Variants in CRPPA observed in about 807,000 individuals in gnomAD.
The protein encoded by CRPPA is D-ribitol-5-phosphate cytidylyltransferase.
Under a neutral mutation model 52.0 loss-of-function variants are expected in CRPPA, and 43 were observed. That is an observed-to-expected ratio of 0.83 (90% CI 0.65 to 1.07). CRPPA has a LOEUF of 1.07. CRPPA is among the 50% of genes least tolerant of loss of function. The pLI, the probability that CRPPA is intolerant of heterozygous loss-of-function variation, is 0.00. For synonymous variants in CRPPA, 250 were observed against 203.5 expected (o/e 1.23, Z -1.94); for missense variants, 629 against 551.7 (o/e 1.14, Z -1.40).
chr7:16,367,231 C>T (rs1399091434), intron 3 of CRPPA, among the ~76,000 whole-genome samples: 2 of 152,082 alleles, frequency 1.3e-5, no homozygotes, highest in Non-Finnish European at 2.9e-5. Context: ...CTCCCTGTGC[C>T]CACTGTGCCC....
At chr7:16,324,462 T>A (rs1046682658) in intron 3 of CRPPA, among the ~76,000 whole-genome samples, 5 of 152,220 alleles carry the variant, frequency 3.3e-5, no homozygotes, top group African/African-American at 4.8e-5. Context: ...GATTCTAACA[T>A]GGGCCAGCAG....
chr7:16,273,491 GAA>G (rs1198814444), intron 6 of CRPPA, among the ~76,000 whole-genome samples: 3 of 151,964 alleles, frequency 2.0e-5, no homozygotes, highest in African/African-American at 7.3e-5. Flanking sequence ...GGACCACAGA[GAA>G]GAGGTCAGCA....
intron 9 of CRPPA, among the ~76,000 whole-genome samples, chr7:16,104,768 C>T (rs1282595347): frequency 1.7e-4 from 26 of 151,264 alleles, no homozygotes; most frequent in Admixed American, 7.2e-4. Context: ...GGCATGGTGG[C>T]GTGCGCCTGT....
intron 9 of CRPPA, among the ~76,000 whole-genome samples, chr7:16,111,452 A>C (rs1782262761): frequency 6.6e-6 from 1 of 152,226 alleles, no homozygotes; most frequent in South Asian, 2.1e-4. Flanking sequence ...TCAGTTTTTC[A>C]AAGAGATGTC....
intron 2 of CRPPA, among the ~76,000 whole-genome samples, chr7:16,390,935 C>T (rs916015490): frequency 3.3e-5 from 5 of 152,142 alleles, no homozygotes; most frequent in Non-Finnish European, 7.3e-5. Flanking sequence ...GGAGCCTAGT[C>T]GAAGTCAATG....
chr7:16,361,567 G>C (rs1025469854), intron 3 of CRPPA, among the ~76,000 whole-genome samples: 2 of 152,146 alleles, frequency 1.3e-5, no homozygotes, highest in Non-Finnish European at 2.9e-5. Context: ...TTCCAACACA[G>C]ATGAACCTTA....
intron 9 of CRPPA, among the ~76,000 whole-genome samples, chr7:16,183,265 A>G (rs1317488581): frequency 6.6e-6 from 1 of 152,194 alleles, no homozygotes; most frequent in African/African-American, 2.4e-5. Flanking sequence ...TGTTCCTAAC[A>G]TGGGAAAGTG....
chr7:16,098,900 T>C (rs912913373), intron 9 of CRPPA, among the ~76,000 whole-genome samples: 1 of 152,216 alleles, frequency 6.6e-6, no homozygotes, highest in Admixed American at 6.5e-5. Context: ...AGAAACATTT[T>C]CCTCTTGCTC....
rs914192542 is a variant in CRPPA at position 16,088,566 on chromosome 7, C to T, written c.*3129G>A. On this transcript the variant is annotated 3_prime_UTR_variant, in exon 10 of 10. Transcript: ENST00000407010. ...CTGAGTAGCTGGGACTACAGGCGCC[C>T]GCCACGATGCCTGGCTATTTTTTTT... is the stretch of plus-strand genomic sequence containing the variant. 7.2e-5 allele frequency: 11 copies of T among 152,020 alleles called. No individual in the cohort carries two copies. The highest frequency in any genetic ancestry group is 2.2e-4 in the African/African-American group (9 of 41,332). The allele number at this position is 152,020 out of a possible 1,614,324, so 9.4% of individuals were successfully genotyped here.
intron 3 of CRPPA, among the ~76,000 whole-genome samples, chr7:16,309,817 C>T (rs937393616): frequency 2.0e-5 from 3 of 152,234 alleles, no homozygotes; most frequent in East Asian, 1.9e-4. Context: ...CTGGGACCCA[C>T]AGTCACAAAA....
intron 3 of CRPPA, among the ~76,000 whole-genome samples, chr7:16,338,967 CA>C (rs1242983002): frequency 1.3e-5 from 2 of 151,998 alleles, no homozygotes; most frequent in Non-Finnish European, 2.9e-5. Flanking sequence ...AGGCATCCGT[CA>C]CCACGCCGGC....
At chr7:16,386,140 A>G (rs1787264189) in intron 2 of CRPPA, among the ~76,000 whole-genome samples, 1 of 150,990 alleles carries the variant, frequency 6.6e-6, no homozygotes, top group African/African-American at 2.5e-5. Flanking sequence ...TGGTCTCGGT[A>G]GGATGGATGG....
At chr7:16,295,915 T>C (rs1270280483) in intron 5 of CRPPA, among the ~76,000 whole-genome samples, 1 of 152,136 alleles carries the variant, frequency 6.6e-6, no homozygotes, top group African/African-American at 2.4e-5. Flanking sequence ...TTAATCATAC[T>C]ACTCCGTAGA....
At chr7:16,294,957 A>G (rs1033843512) in intron 5 of CRPPA, among the ~76,000 whole-genome samples, 2 of 152,094 alleles carry the variant, frequency 1.3e-5, no homozygotes, top group African/African-American at 2.4e-5. Flanking sequence ...TAAGTAAAAA[A>G]GTTAAAGGAT....
chr7:16,348,614 C>G (rs1786073058), intron 3 of CRPPA, among the ~76,000 whole-genome samples: 1 of 152,208 alleles, frequency 6.6e-6, no homozygotes, highest in Non-Finnish European at 1.5e-5. Context: ...CCTTTGGGAA[C>G]AGTGCAGAAA....
rs1784564147 is a variant in CRPPA at position 16,291,515 on chromosome 7, C to A, written c.835+9906G>T. Among the ~76,000 whole-genome samples the A allele has an allele frequency of 2.6e-5, 4 of 151,566 alleles. No individual in the cohort carries two copies. The South Asian group carries it at 8.3e-4, about 31-fold the overall frequency. ...GACAAATATTGCATGTTGTCACTCA[C>A]ATAATGAAAGATAAAGAAAACTGAT... On this transcript the variant is annotated intron_variant, in intron 5 of 9. Transcript: ENST00000407010.
chr7:16,405,425 A>G (rs529625437), intron 2 of CRPPA, among the ~76,000 whole-genome samples: 1 of 152,318 alleles, frequency 6.6e-6, no homozygotes, highest in African/African-American at 2.4e-5. Context: ...GCCTATTTCT[A>G]TTATATAATA....
rs184870418 is a variant in CRPPA at position 16,239,660 on chromosome 7, G to A, written c.1119+18730C>T. ...AAATTGTTCAAATTTCTTACCTAGG[G>A]CTACGATCAATGTGAAATGCCTAAC... On this transcript the variant is annotated intron_variant, in intron 8 of 9. Transcript: ENST00000407010. 1.5e-4 allele frequency among the ~76,000 whole-genome samples: 23 copies of A among 150,974 alleles called. No homozygotes were observed. The East Asian group carries it at 4.3e-3, about 28-fold the overall frequency.
chr7:16,140,993 T>G (rs1482572808), intron 9 of CRPPA, among the ~76,000 whole-genome samples: 1 of 152,188 alleles, frequency 6.6e-6, no homozygotes, highest in Non-Finnish European at 1.5e-5. Context: ...GACCTGATAT[T>G]AAGAACCTTG....
Sources: gnomAD v4.1 joint callset for allele counts (sites outside exome capture counted in the v4.1 genomes callset) on GRCh38, gnomAD v4.1.1 for gene constraint, MANE v1.5 for transcripts, NCBI Gene and HGNC (gene_info 2026-07-23, HGNC 2026-07-21) for gene names.